PAG1: variants seen among roughly 807,000 people sequenced by gnomAD.
PAG1 encodes phosphoprotein associated with glycosphingolipid-enriched microdomains 1.
In PAG1, 23 loss-of-function variants were observed where a neutral mutation model predicts 31.7. The ratio of observed to expected loss-of-function variants is 0.73; its 90% confidence interval spans 0.52 to 1.03. The LOEUF (loss-of-function observed/expected upper bound fraction) is 1.03, where lower values mean the gene tolerates loss of function less well. Among genes scored for constraint, PAG1 ranks in the 50% least tolerant of loss-of-function variants. The pLI, the probability that PAG1 is intolerant of heterozygous loss-of-function variation, is 0.00. For missense variants in PAG1, 473 were observed against 540.7 expected (o/e 0.87, Z 1.24); for synonymous variants, 214 against 210.3 (o/e 1.02, Z -0.15).
intron 1 of PAG1, among the ~76,000 whole-genome samples, chr8:81,089,412 C>CA (rs376193352): frequency 0.016 from 2,410 of 152,072 alleles, 30 homozygotes; most frequent in South Asian, 0.038. Context: ...ACTAAAAATA[C>CA]AAAAAATTAG....
intron 2 of PAG1, among the ~76,000 whole-genome samples, chr8:81,034,652 T>G (rs1741647722): frequency 6.6e-6 from 1 of 152,216 alleles, no homozygotes; most frequent in African/African-American, 2.4e-5. Flanking sequence ...TCTTCTGTGC[T>G]CCAGAGGCTT....
chr8:81,067,438 G>A (rs1041878179), intron 2 of PAG1: 2 of 152,204 alleles, frequency 1.3e-5, no homozygotes, highest in Admixed American at 1.3e-4. Flanking sequence ...CTGGCCTAGA[G>A]ATAGCTAAGA....
chr8:80,979,577 G>T (rs1807256193), intron 8 of PAG1, among the ~76,000 whole-genome samples: 1 of 152,194 alleles, frequency 6.6e-6, no homozygotes. Context: ...CCTAGGGAAA[G>T]CATTTTTGCT....
chr8:80,994,241 G>C (rs1248180515), intron 3 of PAG1, among the ~76,000 whole-genome samples: 2 of 152,122 alleles, frequency 1.3e-5, no homozygotes, highest in Non-Finnish European at 2.9e-5. Flanking sequence ...TATTTATTCT[G>C]AGTATGTTAT....
At chr8:81,092,996 G>T (rs1044576761) in intron 1 of PAG1, among the ~76,000 whole-genome samples, 1 of 152,170 alleles carries the variant, frequency 6.6e-6, no homozygotes, top group Non-Finnish European at 1.5e-5. Context: ...CTACAAAGTA[G>T]CAATTGTGAG....
intron 5 of PAG1, 83 bp from the exon 6 acceptor site, chr8:80,987,549 T>C: frequency 1.1e-6 from 1 of 951,158 alleles, no homozygotes; most frequent in Non-Finnish European, 1.7e-6. Flanking sequence ...GATCCATGGC[T>C]TTTTCAAAAA....
rs567929061 is a variant in PAG1 at position 80,993,032 on chromosome 8, T to C, written c.125+71A>G. Reference sequence around the variant, plus strand: ...GCGGGATTCCATTCCTAACAGGCTTTCCACAGAAACTCTTCTGGGTACAGG... The same window carrying C: ...GCGGGATTCCATTCCTAACAGGCTTCCCACAGAAACTCTTCTGGGTACAGG... On this transcript the variant is annotated intron_variant, in intron 4 of 8. Coordinates refer to ENST00000220597, the MANE Select transcript of PAG1 (RefSeq NM_018440.4). The C allele has an allele frequency of 1.7e-5, 24 of 1,389,234 alleles. No individual in the cohort carries two copies. In the African/African-American group the frequency reaches 3.1e-4, roughly 18 times the overall value. 86.1% of individuals were successfully genotyped at this position (1,389,234 alleles called of 1,614,324 possible).
rs1401233098 is a variant in PAG1 at position 80,985,184 on chromosome 8, C to T, written c.468G>A (p.Gly156=). 3 of 1,614,088 alleles carry T rather than the reference C, an allele frequency of 1.9e-6. No individual in the cohort carries two copies. Among genetic ancestry groups the T allele is most frequent in the South Asian group, 2.2e-5 (2 of 91,064 alleles). The change falls in exon 7 of 9, where the codon GGG becomes GGA. Residue 156 remains glycine, a synonymous_variant. Transcript: ENST00000220597. ...CTTCATAGGGCCCTTCCATCCCCAGCCCCTGGTCCCCGTCCACACTTCTCG... is the reference window on the plus strand; with the variant it reads ...CTTCATAGGGCCCTTCCATCCCCAGTCCCTGGTCCCCGTCCACACTTCTCG... The part of the protein sequence containing the change: ...LTARSVDGDQ[G]LGMEGPYEVL...
At chr8:81,085,984 T>G (rs1462912379) in intron 1 of PAG1, among the ~76,000 whole-genome samples, 1 of 124,372 alleles carries the variant, frequency 8.0e-6, no homozygotes, top group Admixed American at 7.7e-5. Context: ...TTTTTTTTTT[T>G]TTTTTTTTTT....
At position 80,985,220 on chromosome 8, in the gene PAG1, G is replaced by T; in HGVS notation, c.432C>A (p.Thr144=). 1 of 1,614,036 alleles carries T rather than the reference G, an allele frequency of 6.2e-7. No homozygotes were observed. Among genetic ancestry groups the T allele is most frequent in the Non-Finnish European group, 8.5e-7 (1 of 1,180,000 alleles). ...CGTCCACACTTCTCGCCGTGAGCAT[G>T]GTATCCACTGCGCTCTCGGGAGGGA... ...PRIPPESAVD[T]MLTARSVDGD... is the part of the protein sequence containing the mutation. Residue 144 remains threonine, a synonymous_variant, in exon 7 of 9, where the codon ACC becomes ACA. Coordinates refer to ENST00000220597, the MANE Select transcript of PAG1 (RefSeq NM_018440.4).
chr8:81,044,591 T>A (rs1808609280), intron 2 of PAG1, among the ~76,000 whole-genome samples: 1 of 152,214 alleles, frequency 6.6e-6, no homozygotes, highest in Non-Finnish European at 1.5e-5. Flanking sequence ...TCTACTGTTC[T>A]AAGCCACCCA....
At chr8:81,059,704 A>G (rs1257230258) in intron 2 of PAG1, among the ~76,000 whole-genome samples, 2 of 152,228 alleles carry the variant, frequency 1.3e-5, no homozygotes, top group Non-Finnish European at 2.9e-5. Context: ...AGGTCTCCCT[A>G]AAGCACACTT....
chr8:81,076,600 C>T (rs1259052852), intron 1 of PAG1, among the ~76,000 whole-genome samples: 1 of 152,154 alleles, frequency 6.6e-6, no homozygotes, highest in African/African-American at 2.4e-5. Flanking sequence ...CTTCCCATTT[C>T]CAACCCCTAT....
chr8:81,046,525 A>T (rs1808644346), intron 2 of PAG1, among the ~76,000 whole-genome samples: 1 of 152,174 alleles, frequency 6.6e-6, no homozygotes, highest in Non-Finnish European at 1.5e-5. Context: ...TACAGGACAG[A>T]CCTATAGCAA....
At chr8:81,065,219 T>C (rs1808983560) in intron 2 of PAG1, among the ~76,000 whole-genome samples, 1 of 152,228 alleles carries the variant, frequency 6.6e-6, no homozygotes, top group South Asian at 2.1e-4. Context: ...ATCTGCAATG[T>C]TTTCACAGAG....
In PAG1 at chr8:81,076,000, G is replaced by C. The variant is rs116973216; in HGVS notation, c.-233-5830C>G. ...TAAGTTACAATAATCAATGAAATGA[G>C]CCATCCTGACATCACTCTGCTAACC... On this transcript the variant is annotated intron_variant, in intron 1 of 8. Transcript: ENST00000220597. 9.8e-5 allele frequency among the ~76,000 whole-genome samples: 15 copies of C among 152,306 alleles called. No individual in the cohort carries two copies. The East Asian group carries it at 2.9e-3, about 29-fold the overall frequency.
At chr8:81,085,169 T>C (rs73279998) in intron 1 of PAG1, among the ~76,000 whole-genome samples, 2,448 of 152,284 alleles carry the variant, frequency 0.016, 30 homozygotes, top group South Asian at 0.038. Flanking sequence ...TAGAAGCAAA[T>C]GGCGATTCCT....
chr8:80,987,117 T>C (rs1485497195), intron 6 of PAG1, among the ~76,000 whole-genome samples: 1 of 152,176 alleles, frequency 6.6e-6, no homozygotes, highest in Non-Finnish European at 1.5e-5. Flanking sequence ...AATTAGTACA[T>C]GTAAATGTAC....
chr8:81,027,549 A>G (rs1808303296), intron 3 of PAG1, among the ~76,000 whole-genome samples: 1 of 152,224 alleles, frequency 6.6e-6, no homozygotes, highest in Admixed American at 6.5e-5. Flanking sequence ...ATAGAATTTT[A>G]AAAGTCTCAT....
Sources: allele counts gnomAD v4.1 joint callset (sites outside exome capture counted in the v4.1 genomes callset), GRCh38; gene constraint gnomAD v4.1.1; transcripts MANE v1.5; gene names NCBI Gene and HGNC (gene_info 2026-07-23, HGNC 2026-07-21).